NAA35: variants seen among roughly 807,000 people sequenced by gnomAD.
NAA35 encodes the protein N-alpha-acetyltransferase 35, NatC auxiliary subunit.
In NAA35, 18 loss-of-function variants were observed where a neutral mutation model predicts 101.7. The ratio of observed to expected loss-of-function variants is 0.18; its 90% CI spans 0.12 to 0.26. NAA35 has a LOEUF of 0.26. NAA35 is among the 10% of genes least tolerant of loss of function. The probability of loss-of-function intolerance (pLI) is 1.00; values close to 1 mark genes in which losing one functional copy is unlikely to be tolerated. For synonymous variants in NAA35, 267 were observed against 273.1 expected (o/e 0.98, Z 0.22); for missense variants, 601 against 886.8 (o/e 0.68, Z 4.09).
chr9:85,979,901 C>A (rs1259005465), intron 11 of NAA35, among the ~76,000 whole-genome samples: 1 of 152,172 alleles, frequency 6.6e-6, no homozygotes, highest in Non-Finnish European at 1.5e-5. Context: ...GGAGGTAATG[C>A]CAGATCCCAC....
intron 11 of NAA35, among the ~76,000 whole-genome samples, chr9:85,984,288 C>T (rs1830558389): frequency 6.6e-6 from 1 of 152,110 alleles, no homozygotes; most frequent in Non-Finnish European, 1.5e-5. Flanking sequence ...ATGATTGTAC[C>T]ACTGCATTCC....
intron 11 of NAA35, among the ~76,000 whole-genome samples, chr9:85,979,890 C>T (rs143766985): frequency 1.7e-4 from 26 of 152,156 alleles, no homozygotes; most frequent in Middle Eastern, 3.2e-3. Flanking sequence ...ACTATCTACC[C>T]GGAGGTAATG....
intron 11 of NAA35, among the ~76,000 whole-genome samples, chr9:85,979,868 ACTC>A (rs1235833411): frequency 6.6e-6 from 1 of 152,122 alleles, no homozygotes; most frequent in Admixed American, 6.5e-5. Context: ...GAAAACACAA[ACTC>A]CAACCTCTAC....
At chr9:85,977,739 T>C (rs186667899) in intron 10 of NAA35, among the ~76,000 whole-genome samples, 1 of 152,170 alleles carries the variant, frequency 6.6e-6, no homozygotes, top group Non-Finnish European at 1.5e-5. Context: ...AGGCCTAGTC[T>C]TACCTTCAGT....
intron 4 of NAA35, 144 bp downstream of exon 4, chr9:85,958,730 AC>A (rs2118350632): frequency 2.2e-6 from 1 of 460,872 alleles, no homozygotes; most frequent in South Asian, 4.9e-5. Flanking sequence ...ATTAGTTATA[AC>A]CTTTGTATGT....
At chr9:85,967,842 T>C (rs529657203) in intron 6 of NAA35, among the ~76,000 whole-genome samples, 1 of 152,094 alleles carries the variant, frequency 6.6e-6, no homozygotes, top group African/African-American at 2.4e-5. Context: ...TTGATTTAAA[T>C]TGGATATTTC....
chr9:85,959,551 T>C (rs2117864490), intron 4 of NAA35, among the ~76,000 whole-genome samples: 1 of 152,184 alleles, frequency 6.6e-6, no homozygotes, highest in South Asian at 2.1e-4. Flanking sequence ...GTTGAAGACC[T>C]AAGATATATT....
At chr9:85,994,726 A>G (rs1293772327) in intron 11 of NAA35, among the ~76,000 whole-genome samples, 3 of 152,178 alleles carry the variant, frequency 2.0e-5, no homozygotes, top group Admixed American at 2.0e-4. Context: ...GTTACCATAA[A>G]TCTTTTATCC....
At chr9:85,990,009 CAG>C (rs1332217376) in intron 11 of NAA35, among the ~76,000 whole-genome samples, 1 of 152,166 alleles carries the variant, frequency 6.6e-6, no homozygotes, top group Non-Finnish European at 1.5e-5. Context: ...GTTGCTGTAA[CAG>C]AGTTCCTGAG....
intron 6 of NAA35, among the ~76,000 whole-genome samples, chr9:85,967,695 A>G (rs1829820685): frequency 6.6e-6 from 1 of 151,922 alleles, no homozygotes; most frequent in Admixed American, 6.6e-5. Context: ...CCAGCTACTC[A>G]GGAGGCTGAG....
At chr9:85,956,195 G>C (rs973565822) in intron 2 of NAA35, among the ~76,000 whole-genome samples, 165 bp from the exon 3 acceptor site, 1 of 152,078 alleles carries the variant, frequency 6.6e-6, no homozygotes, top group Non-Finnish European at 1.5e-5. Context: ...AGTACTCACT[G>C]TATAGAATGC....
At chr9:86,003,748 C>T in intron 13 of NAA35, 104 bp downstream of exon 13, 11 of 627,570 alleles carry the variant, frequency 1.8e-5, no homozygotes, top group Non-Finnish European at 2.6e-5. Context: ...AAAGGATTTT[C>T]CAGTTAGTGT....
At chr9:85,978,093 A>G (rs955946700) in intron 10 of NAA35, among the ~76,000 whole-genome samples, 174 bp from the exon 11 acceptor site, 1 of 152,188 alleles carries the variant, frequency 6.6e-6, no homozygotes. Context: ...GAGTAAAAAA[A>G]CCATTTTCTA....
intron 2 of NAA35, among the ~76,000 whole-genome samples, chr9:85,944,247 C>G (rs527355413): frequency 1.3e-5 from 2 of 152,268 alleles, no homozygotes; most frequent in Non-Finnish European, 1.5e-5. Context: ...AGAGCTTCTA[C>G]TTTAGAGAAT....
Position 85,981,846 on chromosome 9 carries a change from G to C in NAA35, c.877+3465G>C, listed in dbSNP as rs532329402. Among the ~76,000 whole-genome samples the C allele has an allele frequency of 1.4e-4, 21 of 152,238 alleles. No individual in the cohort carries two copies. The South Asian group carries it at 4.4e-3, about 32-fold the overall frequency. ...GTCTATTCTAGTAGAAGAATGATGA[G>C]AAAATAATAGTATAGATTAGTTTTG... On this transcript the variant is annotated intron_variant, in intron 11 of 22. Coordinates refer to ENST00000361671, the MANE Select transcript of NAA35 (RefSeq NM_024635.4).
intron 17 of NAA35, among the ~76,000 whole-genome samples, chr9:86,014,763 T>C (rs1832119542): frequency 6.6e-6 from 1 of 152,250 alleles, no homozygotes; most frequent in Non-Finnish European, 1.5e-5. Flanking sequence ...AACTCTTGCC[T>C]GTGAAAACTG....
Position 85,956,318 on chromosome 9 carries a change from A to G in NAA35, c.125-42A>G, listed in dbSNP as rs546445274. ...TTTTTTTTCTTAGAATTAAAAGTTA[A>G]ATATAAATATGTTCAAAGGGTTTTT... On this transcript the variant is annotated intron_variant, in intron 2 of 22. Coordinates refer to ENST00000361671, the MANE Select transcript of NAA35 (RefSeq NM_024635.4). 1.8e-5 allele frequency: 22 copies of G among 1,193,702 alleles called. No individual in the cohort carries two copies. The South Asian group carries it at 2.6e-4, about 14-fold the overall frequency. 73.9% of individuals were successfully genotyped at this position (1,193,702 alleles called of 1,614,324 possible). A position where few individuals can be genotyped will look rare whatever the true frequency, so the allele number is the denominator to read the frequency against.
At chr9:86,001,898 C>T (rs1196977715) in intron 12 of NAA35, among the ~76,000 whole-genome samples, 2 of 152,014 alleles carry the variant, frequency 1.3e-5, no homozygotes, top group Non-Finnish European at 2.9e-5. Context: ...TGGATTTGAT[C>T]CTGTCATTAT....
intron 11 of NAA35, among the ~76,000 whole-genome samples, chr9:85,984,943 A>G (rs1830588436): frequency 6.6e-6 from 1 of 152,208 alleles, no homozygotes; most frequent in Admixed American, 6.5e-5. Context: ...ATAGGCATTA[A>G]TCTTACACCC....
Sources: gnomAD v4.1 joint callset for allele counts (sites outside exome capture counted in the v4.1 genomes callset) on GRCh38, gnomAD v4.1.1 for gene constraint, MANE v1.5 for transcripts, NCBI Gene and HGNC (gene_info 2026-07-23, HGNC 2026-07-21) for gene names.